The following ADI1 variants were observed in gnomAD, a reference collection of about 807,000 sequenced individuals.
ADI1 encodes acireductone dioxygenase.
In ADI1, 21 loss-of-function variants were observed where a neutral mutation model predicts 18.7. The observed-to-expected ratio is 1.13, with a 90% CI of 0.80 to 1.62. The LOEUF (loss-of-function observed/expected upper bound fraction) is 1.62, where lower values mean the gene tolerates loss of function less well. ADI1 is among the 40% of genes most tolerant of loss of function. The pLI is 0.00. For missense variants in ADI1, 245 were observed against 254.9 expected, an observed-to-expected ratio of 0.96 and a Z score of 0.26; for synonymous variants, 90 against 100.1, an observed-to-expected ratio of 0.90 and a Z score of 0.60.
At chr2:3,514,238 C>A (rs1215477953) in intron 1 of ADI1, among the ~76,000 whole-genome samples, 1 of 152,110 alleles carries the variant, frequency 6.6e-6, no homozygotes, top group Admixed American at 6.5e-5. Flanking sequence ...TTCTTTTTCC[C>A]ATTTTGAGAT....
At chr2:3,514,072 AATTTATCATTT>A in intron 1 of ADI1, 96 bp from the exon 2 acceptor site, 1 of 1,404,986 alleles carries the variant, frequency 7.1e-7, no homozygotes, top group East Asian at 2.4e-5. Context: ...TTATACTCCA[AATTTATCATTT>A]GTTATTTTTT....
intron 1 of ADI1, chr2:3,516,989 G>A (rs951656196): frequency 1.0e-6 from 1 of 963,462 alleles, no homozygotes. Flanking sequence ...GCCTCCCAAA[G>A]TGCTGGGATG....
At chr2:3,514,878 A>C (rs948571645) in intron 1 of ADI1, 7 of 1,543,902 alleles carry the variant, frequency 4.5e-6, no homozygotes, top group Middle Eastern at 1.8e-4. Context: ...GCCATGGCAG[A>C]GGAACATAAG....
intron 1 of ADI1, chr2:3,517,016 C>G: frequency 1.1e-6 from 1 of 879,018 alleles, no homozygotes; most frequent in Non-Finnish European, 1.4e-6. Flanking sequence ...GCCACCATGC[C>G]TGGCCCAGGA....
At chr2:3,506,395 TA>T (rs1667178212) in intron 2 of ADI1, among the ~76,000 whole-genome samples, 1 of 152,242 alleles carries the variant, frequency 6.6e-6, no homozygotes, top group African/African-American at 2.4e-5. Flanking sequence ...ATCACTTTCC[TA>T]TATACCAGAA....
intron 1 of ADI1, chr2:3,516,643 T>C (rs377233593): frequency 1.2e-6 from 1 of 823,566 alleles, no homozygotes; most frequent in Non-Finnish European, 1.5e-6. Flanking sequence ...TCTAGAACTA[T>C]AAGAATTCTA....
At chr2:3,516,642 A>G (rs1667415770) in intron 1 of ADI1, 14 of 810,216 alleles carry the variant, frequency 1.7e-5, no homozygotes, top group Admixed American at 6.2e-5. Flanking sequence ...CTCTAGAACT[A>G]TAAGAATTCT....
chr2:3,499,499 G>A (rs1046983842), intron 3 of ADI1, among the ~76,000 whole-genome samples: 15 of 152,274 alleles, frequency 9.9e-5, no homozygotes, highest in African/African-American at 3.4e-4. Context: ...AGCCACATCC[G>A]TCCAGACTAA....
At position 3,519,370 on chromosome 2, in the gene ADI1, T is replaced by C; in HGVS notation, c.118A>G (p.Lys40Glu). The C allele has an allele frequency of 2.8e-6, 4 of 1,433,410 alleles. No homozygotes were observed. The highest frequency in any genetic ancestry group is 3.6e-6 in the Non-Finnish European group (4 of 1,100,876). The allele number at this position is 1,433,410 out of a possible 1,614,324, so 88.8% of individuals were successfully genotyped here. A position where few individuals can be genotyped will look rare whatever the true frequency, so the allele number is the denominator to read the frequency against. The change falls in exon 1 of 4, where the codon AAG (lysine) becomes GAG (glutamate). Residue 40 changes from lysine to glutamate, a missense_variant and splice_region_variant. Coordinates refer to ENST00000327435, the MANE Select transcript of ADI1 (RefSeq NM_018269.4). ...QLRRLGVLYW[K>E]LDADKYENDP... ...CTGCGAGGCTTGGGCTCGCGTACCT[T>C]CCAGTAGAGCACCCCGAGCCGCCGC...
At chr2:3,500,500 C>T in intron 3 of ADI1, 1 of 282,438 alleles carries the variant, frequency 3.5e-6, no homozygotes, top group Non-Finnish European at 5.8e-6. Flanking sequence ...AGGGCTGGGG[C>T]AGGGCCAGGC....
At chr2:3,502,566 C>T (rs756239452) in intron 2 of ADI1, among the ~76,000 whole-genome samples, 5 of 151,504 alleles carry the variant, frequency 3.3e-5, no homozygotes, top group South Asian at 2.1e-4. Flanking sequence ...AATTCTCTGC[C>T]TCAGCCTCCC....
chr2:3,504,222 G>C (rs1439824427), intron 2 of ADI1, among the ~76,000 whole-genome samples: 2 of 152,164 alleles, frequency 1.3e-5, no homozygotes, highest in Non-Finnish European at 2.9e-5. Flanking sequence ...GTAGGATTCC[G>C]CTACAAACAC....
chr2:3,500,465 C>T, intron 3 of ADI1: 1 of 442,130 alleles, frequency 2.3e-6, no homozygotes, highest in Non-Finnish European at 4.1e-6. Context: ...GGGTGACAAC[C>T]CTAGAGATGC....
At chr2:3,502,001 C>CCACACACACACACACACACA (rs70938947) in intron 2 of ADI1, among the ~76,000 whole-genome samples, 1 of 105,038 alleles carries the variant, frequency 9.5e-6, no homozygotes, top group South Asian at 2.7e-4. Flanking sequence ...ACCTCCCGCT[C>CCACACACACACACACACACA]CACACACACA....
Position 3,499,059 on chromosome 2 carries a change from C to G in ADI1, c.444G>C (p.Leu148=). The change falls in exon 4 of 4, where the codon CTG becomes CTC. Residue 148 remains leucine, a synonymous_variant. Coordinates refer to ENST00000327435, the MANE Select transcript of ADI1 (RefSeq NM_018269.4). ...DEKNYTKAMR[L]FVGEPVWTAY... ...CTGTCCACACCGGTTCTCCCACAAACAGCCGCATGGCCTTCGTGTAGTTCT... is the reference window on the plus strand; with the variant it reads ...CTGTCCACACCGGTTCTCCCACAAAGAGCCGCATGGCCTTCGTGTAGTTCT... 6.2e-7 allele frequency: 1 copy of G among 1,614,116 alleles called. No individual in the cohort carries two copies. The highest frequency in any genetic ancestry group is 8.5e-7 in the Non-Finnish European group (1 of 1,179,904).
chr2:3,498,712 C>G lies in ADI1; in HGVS notation c.*251G>C. ...CTTTCATTTGGGACTCAACTGAATG[C>G]ATGAACTAACACAGGGCCATGGACC... On this transcript the variant is annotated 3_prime_UTR_variant, in exon 4 of 4. Coordinates refer to ENST00000327435, the MANE Select transcript of ADI1 (RefSeq NM_018269.4). 1 of 415,778 alleles carries G rather than the reference C, an allele frequency of 2.4e-6. No homozygotes were observed. The highest frequency in any genetic ancestry group is 4.1e-6 in the Non-Finnish European group (1 of 242,528). 25.8% of individuals were successfully genotyped at this position (415,778 alleles called of 1,614,324 possible).
chr2:3,498,801 G>C lies in ADI1; in HGVS notation c.*162C>G. ...CTTTACACTTCCAAGTTGCTTTCTA[G>C]ATCCTTTCATTACAAAATATTCTGA... On this transcript the variant is annotated 3_prime_UTR_variant, in exon 4 of 4. Coordinates refer to ENST00000327435, the MANE Select transcript of ADI1 (RefSeq NM_018269.4). The C allele has an allele frequency of 8.0e-6, 10 of 1,253,324 alleles. No homozygotes were observed. Among genetic ancestry groups the C allele is most frequent in the Non-Finnish European group, 1.1e-5 (10 of 921,730 alleles). The allele number at this position is 1,253,324 out of a possible 1,614,324, so 77.6% of individuals were successfully genotyped here.
At chr2:3,519,345 C>T (rs1325826382) in intron 1 of ADI1, 23 bp downstream of exon 1, 5 of 1,407,256 alleles carry the variant, frequency 3.6e-6, no homozygotes, top group Middle Eastern at 5.0e-4. Flanking sequence ...CCCGCACGCT[C>T]TGCGAGGCTT....
chr2:3,499,071 C>T lies in ADI1; in HGVS notation c.432G>A (p.Lys144=), dbSNP rs1221402085. 6.2e-7 allele frequency: 1 copy of T among 1,613,654 alleles called. No homozygotes were observed. The highest frequency in any genetic ancestry group is 8.5e-7 in the Non-Finnish European group (1 of 1,179,674). ...RFTVDEKNYT[K]AMRLFVGEPV... ...GTTCTCCCACAAACAGCCGCATGGC[C>T]TTCGTGTAGTTCTGGAAAACAGACA... The change falls in exon 4 of 4, where the codon AAG becomes AAA. Residue 144 remains lysine, a synonymous_variant. Transcript: ENST00000327435.
Sources: allele counts gnomAD v4.1 joint callset (sites outside exome capture counted in the v4.1 genomes callset), GRCh38; gene constraint gnomAD v4.1.1; transcripts MANE v1.5; gene names NCBI Gene and HGNC (gene_info 2026-07-23, HGNC 2026-07-21).